Variants in GDA observed in about 807,000 individuals in gnomAD.
GDA encodes the protein cytoplasmic PSD-95 interactor.
Under a neutral mutation model 59.6 loss-of-function variants are expected in GDA, and 18 were observed. That is an observed-to-expected ratio of 0.30 (90% CI 0.21 to 0.45). GDA has a LOEUF of 0.45. Ranked by LOEUF, GDA falls within the 20% of genes least tolerant of loss-of-function variation. The pLI, the probability that GDA is intolerant of heterozygous loss-of-function variation, is 1.00. For synonymous variants in GDA, 201 were observed against 201.1 expected (o/e 1.00, Z 0.00); for missense variants, 427 against 552.3 (o/e 0.77, Z 2.27).
chr9:72,190,651 T>C (rs1832425405), intron 1 of GDA, among the ~76,000 whole-genome samples: 3 of 152,172 alleles, frequency 2.0e-5, no homozygotes, highest in Non-Finnish European at 4.4e-5. Context: ...GGGGCAACTG[T>C]AATCCCCTTT....
chr9:72,250,910 C>G lies in GDA; in HGVS notation c.*2568C>G. ...TATTTTTGCAACCAGAACACAAAAG[C>G]AGGCTAGTCAGCTAAGGTAAATTTC... On this transcript the variant is annotated 3_prime_UTR_variant, in exon 14 of 14. Coordinates refer to ENST00000358399, the MANE Select transcript of GDA (RefSeq NM_004293.5). 5 of 1,288,470 alleles carry G rather than the reference C, an allele frequency of 3.9e-6. 1 individual carries two copies. In the South Asian group the frequency reaches 4.9e-5, roughly 13 times the overall value. The allele number at this position is 1,288,470 out of a possible 1,614,324, so 79.8% of individuals were successfully genotyped here. A position where few individuals can be genotyped will look rare whatever the true frequency, so the allele number is the denominator to read the frequency against.
chr9:72,117,049 A>G (rs915897315), intron 1 of GDA, among the ~76,000 whole-genome samples: 1 of 151,866 alleles, frequency 6.6e-6, no homozygotes, highest in African/African-American at 2.4e-5. Flanking sequence ...TCCTTGAGAT[A>G]GTTTGCTCAG....
At chr9:72,237,957 C>T (rs1587770392) in intron 10 of GDA, among the ~76,000 whole-genome samples, 1 of 152,036 alleles carries the variant, frequency 6.6e-6, no homozygotes, top group Non-Finnish European at 1.5e-5. Context: ...GGTCTCATAC[C>T]ATCCTAGGCC....
chr9:72,256,364 A>C (rs761000060), downstream of GDA, among the ~76,000 whole-genome samples: 27 of 152,238 alleles, frequency 1.8e-4, no homozygotes, highest in Non-Finnish European at 3.5e-4. Flanking sequence ...ATCTCTTTGA[A>C]GAACTCACAG....
At position 72,245,555 on chromosome 9, in the gene GDA, A is replaced by T. The variant is rs552223164; in HGVS notation, c.1266+277A>T. 7.2e-5 allele frequency among the ~76,000 whole-genome samples: 11 copies of T among 152,316 alleles called. No homozygotes were observed. In the South Asian group the frequency reaches 2.3e-3, roughly 32 times the overall value. On this transcript the variant is annotated intron_variant, in intron 12 of 13. Coordinates refer to ENST00000358399, the MANE Select transcript of GDA (RefSeq NM_004293.5). ...AACTAGCACTCATTGAACACTTGCTATGTGCTGGGTAGGCATGGGATTAGG... is the reference window on the plus strand; with the variant it reads ...AACTAGCACTCATTGAACACTTGCTTTGTGCTGGGTAGGCATGGGATTAGG...
intron 9 of GDA, chr9:72,229,279 A>T (rs1211239382): frequency 6.5e-6 from 1 of 153,230 alleles, no homozygotes; most frequent in Non-Finnish European, 1.4e-5. Flanking sequence ...TGAACCCGAG[A>T]GGCGGAGCTT....
At chr9:72,218,479 G>A (rs1286280119) in intron 5 of GDA, among the ~76,000 whole-genome samples, 1 of 152,188 alleles carries the variant, frequency 6.6e-6, no homozygotes, top group African/African-American at 2.4e-5. Context: ...TGTGGTGATA[G>A]TAAACCTTAA....
intron 1 of GDA, chr9:72,114,938 A>T (rs1564141280): frequency 6.6e-6 from 1 of 152,162 alleles, no homozygotes. Context: ...GGACAGAGAG[A>T]GAGTGTGTGC....
chr9:72,196,198 C>T (rs2131276209), intron 2 of GDA, among the ~76,000 whole-genome samples: 1 of 151,728 alleles, frequency 6.6e-6, no homozygotes, highest in South Asian at 2.1e-4. Context: ...ATGATTGGGC[C>T]AGCCAGGCAT....
chr9:72,214,099 A>G (rs574596928), intron 5 of GDA, 108 bp downstream of exon 5: 3 of 677,974 alleles, frequency 4.4e-6, no homozygotes, highest in East Asian at 5.5e-5. Context: ...CCCAGTTGGG[A>G]TGTGCACATA....
At chr9:72,198,081 A>T (rs1463834376) in intron 2 of GDA, among the ~76,000 whole-genome samples, 1 of 152,214 alleles carries the variant, frequency 6.6e-6, no homozygotes, top group Non-Finnish European at 1.5e-5. Flanking sequence ...AATACTTTTA[A>T]GACAATATTT....
At chr9:72,209,284 C>A (rs1266823100) in intron 3 of GDA, among the ~76,000 whole-genome samples, 3 of 151,928 alleles carry the variant, frequency 2.0e-5, no homozygotes, top group African/African-American at 4.8e-5. Context: ...ATTTAGATTT[C>A]TTATTCTAAA....
At chr9:72,222,792 C>T (rs536025224) in intron 6 of GDA, among the ~76,000 whole-genome samples, 9 of 147,448 alleles carry the variant, frequency 6.1e-5, no homozygotes, top group South Asian at 2.2e-4. Flanking sequence ...CCACAACCTC[C>T]GCCTCCTAGG....
At chr9:72,206,850 C>A (rs920004061) in intron 3 of GDA, among the ~76,000 whole-genome samples, 7 of 151,914 alleles carry the variant, frequency 4.6e-5, no homozygotes, top group Non-Finnish European at 8.8e-5. Context: ...TGTCTTCATT[C>A]ATTTTTGTTG....
intron 1 of GDA, among the ~76,000 whole-genome samples, chr9:72,135,791 AGTG>A (rs1300028631): frequency 6.6e-6 from 1 of 151,920 alleles, no homozygotes; most frequent in Non-Finnish European, 1.5e-5. Context: ...TCGTGTCTTC[AGTG>A]GAGACGGGGT....
At chr9:72,244,197 A>C (rs962786433) in intron 11 of GDA, among the ~76,000 whole-genome samples, 1 of 151,948 alleles carries the variant, frequency 6.6e-6, no homozygotes, top group Non-Finnish European at 1.5e-5. Flanking sequence ...AAAAGAAAGA[A>C]AGAAAATTGA....
chr9:72,249,147 A>G lies in GDA; in HGVS notation c.*805A>G. On this transcript the variant is annotated 3_prime_UTR_variant, in exon 14 of 14. Transcript: ENST00000358399. The stretch of plus-strand genomic sequence containing the variant: ...TTTAAAATCAACTTATAACTGTGAG[A>G]TGTTATTGCTTCCATTTTATTAGAA... 1.0e-6 allele frequency: 1 copy of G among 980,672 alleles called. No homozygotes were observed. The highest frequency in any genetic ancestry group is 5.3e-4 in the Middle Eastern group (1 of 1,902). The allele number at this position is 980,672 out of a possible 1,614,324, so 60.7% of individuals were successfully genotyped here.
chr9:72,239,169 A>C (rs1398955006), intron 10 of GDA, among the ~76,000 whole-genome samples: 2 of 152,196 alleles, frequency 1.3e-5, no homozygotes, highest in African/African-American at 4.8e-5. Flanking sequence ...CCTGGAAAAA[A>C]AGGCTTGACT....
At chr9:72,145,402 A>T (rs1256482504), upstream of GDA, among the ~76,000 whole-genome samples, 7 of 152,100 alleles carry the variant, frequency 4.6e-5, no homozygotes, top group Non-Finnish European at 1.0e-4. Context: ...AGGCAAGCCA[A>T]CCTCCCTGAA....
Sources: allele counts gnomAD v4.1 joint callset (sites outside exome capture counted in the v4.1 genomes callset), GRCh38; gene constraint gnomAD v4.1.1; transcripts MANE v1.5; gene names NCBI Gene and HGNC (gene_info 2026-07-23, HGNC 2026-07-21).